The following OPCML variants were observed in gnomAD, a reference collection of about 807,000 sequenced individuals.
OPCML encodes the protein opioid-binding protein/cell adhesion molecule.
OPCML carries 13 observed loss-of-function variants against 37.8 expected under a neutral mutation model. That is an observed-to-expected ratio of 0.34 (90% CI 0.22 to 0.55). The LOEUF is 0.55. OPCML is among the 20% of genes least tolerant of loss of function. The pLI is 0.91. For synonymous variants in OPCML, 176 were observed against 168.8 expected (o/e 1.04, Z -0.33); for missense variants, 341 against 435.6 (o/e 0.78, Z 1.93).
intron 2 of OPCML, among the ~76,000 whole-genome samples, chr11:132,726,470 A>G (rs1211710942): frequency 6.6e-6 from 1 of 151,844 alleles, no homozygotes; most frequent in Non-Finnish European, 1.5e-5. Context: ...GAAATTCAAG[A>G]TGAGATTTAG....
intron 2 of OPCML, among the ~76,000 whole-genome samples, chr11:132,872,048 T>C (rs1306363155): frequency 2.0e-5 from 3 of 152,220 alleles, no homozygotes; most frequent in Non-Finnish European, 1.5e-5. Context: ...CACTGTTTCC[T>C]TTCTAACATA....
intron 1 of OPCML, among the ~76,000 whole-genome samples, chr11:133,077,281 T>A (rs537045770): frequency 1.3e-5 from 2 of 151,976 alleles, no homozygotes; most frequent in South Asian, 4.2e-4. Context: ...CCCCGTGACT[T>A]GGAGCTCATC....
Position 132,943,246 on chromosome 11 carries a change from C to T in OPCML, c.62-236G>A, listed in dbSNP as rs1945647305. ...AGGAGAAGAGAGGAGTCCGGGCTCTCCGGAGTCTGAGAATTCTTCCTCAGA... is the reference window on the plus strand; with the variant it reads ...AGGAGAAGAGAGGAGTCCGGGCTCTTCGGAGTCTGAGAATTCTTCCTCAGA... On this transcript the variant is annotated intron_variant, in intron 1 of 7. Transcript: ENST00000524381. This position sits in a 1 kb window ranked among gnomAD's most constrained non-coding sequence, Gnocchi z 4.3. 1 of 1,146,824 alleles carries T rather than the reference C, an allele frequency of 8.7e-7. No individual in the cohort carries two copies. Among genetic ancestry groups the T allele is most frequent in the Non-Finnish European group, 1.2e-6 (1 of 819,854 alleles). The allele number at this position is 1,146,824 out of a possible 1,614,324, so 71.0% of individuals were successfully genotyped here.
intron 1 of OPCML, among the ~76,000 whole-genome samples, chr11:133,511,683 TC>T (rs1212945907): frequency 2.6e-5 from 4 of 152,050 alleles, no homozygotes; most frequent in African/African-American, 9.7e-5. Flanking sequence ...ATAATCCCAT[TC>T]TCCATAGCCT....
chr11:133,050,256 C>A (rs1298408506), intron 1 of OPCML, among the ~76,000 whole-genome samples: 1 of 152,218 alleles, frequency 6.6e-6, no homozygotes, highest in Non-Finnish European at 1.5e-5. Context: ...TAGCCATCAT[C>A]TGCAATGGGG....
At chr11:133,422,164 T>C (rs1945902425) in intron 1 of OPCML, 5 of 984,404 alleles carry the variant, frequency 5.1e-6, no homozygotes, top group African/African-American at 1.8e-5. Context: ...TGTTTGTTGT[T>C]GTTGTTGTTG....
At chr11:133,097,424 C>A (rs1949019392) in intron 1 of OPCML, among the ~76,000 whole-genome samples, 1 of 152,106 alleles carries the variant, frequency 6.6e-6, no homozygotes, top group Non-Finnish European at 1.5e-5. Flanking sequence ...GAAGAATGAT[C>A]TAAAACCAAC....
chr11:132,893,173 G>A (rs1020722825), intron 2 of OPCML, among the ~76,000 whole-genome samples: 5 of 151,802 alleles, frequency 3.3e-5, no homozygotes, highest in Admixed American at 6.6e-5. Flanking sequence ...ACTTGGACAG[G>A]AGCTATAAAA....
chr11:133,197,454 G>A (rs138698057), intron 1 of OPCML, among the ~76,000 whole-genome samples: 2 of 152,292 alleles, frequency 1.3e-5, no homozygotes, highest in Non-Finnish European at 2.9e-5. Context: ...TAATAAACGT[G>A]ACAATAGGAG....
At chr11:132,829,392 A>G (rs1461120492) in intron 2 of OPCML, among the ~76,000 whole-genome samples, 3 of 152,248 alleles carry the variant, frequency 2.0e-5, no homozygotes, top group Admixed American at 2.0e-4. Flanking sequence ...GAGGAAACTG[A>G]GCATGAATGA....
At chr11:133,135,341 C>A (rs1202028032) in intron 1 of OPCML, among the ~76,000 whole-genome samples, 1 of 152,068 alleles carries the variant, frequency 6.6e-6, no homozygotes, top group Non-Finnish European at 1.5e-5. Flanking sequence ...AGAATCACAC[C>A]CTTTGACTCC....
intron 3 of OPCML, among the ~76,000 whole-genome samples, chr11:132,638,997 C>T (rs2135716477): frequency 1.3e-5 from 2 of 152,284 alleles, no homozygotes; most frequent in Middle Eastern, 6.8e-3. Flanking sequence ...ACTACAGATA[C>T]TGGAGCAGTT....
intron 1 of OPCML, among the ~76,000 whole-genome samples, chr11:133,223,573 CT>C (rs531171710): frequency 1.2e-3 from 177 of 152,178 alleles, no homozygotes; most frequent in Non-Finnish European, 2.0e-3. Context: ...CAGGGGAGCA[CT>C]TAGAGAAAGG....
intron 1 of OPCML, among the ~76,000 whole-genome samples, chr11:133,313,626 A>T (rs1034300950): frequency 6.6e-6 from 1 of 152,084 alleles, no homozygotes; most frequent in Non-Finnish European, 1.5e-5. Flanking sequence ...GGCCCAAGAG[A>T]TACTATAATA....
At chr11:133,480,750 T>A (rs193234569) in intron 1 of OPCML, among the ~76,000 whole-genome samples, 248 of 152,356 alleles carry the variant, frequency 1.6e-3, no homozygotes, top group Middle Eastern at 3.4e-3. Flanking sequence ...GCCATCCATA[T>A]CTGACTTTCC....
At chr11:132,521,765 TAAATTA>T (rs1212198096) in intron 4 of OPCML, among the ~76,000 whole-genome samples, 1 of 152,096 alleles carries the variant, frequency 6.6e-6, no homozygotes, top group Admixed American at 6.5e-5. Context: ...GAACTTAAAG[TAAATTA>T]AAATTAAAAT....
intron 7 of OPCML, among the ~76,000 whole-genome samples, chr11:132,422,317 G>T: frequency 6.6e-6 from 1 of 152,178 alleles, no homozygotes; most frequent in Non-Finnish European, 1.5e-5. Flanking sequence ...GCAAAGAGGA[G>T]TGGGGCAATA....
chr11:132,689,150 A>G (rs1943301873), intron 2 of OPCML, among the ~76,000 whole-genome samples: 1 of 152,172 alleles, frequency 6.6e-6, no homozygotes, highest in Non-Finnish European at 1.5e-5. Context: ...ATTATTTTTA[A>G]TACATTTCTA....
chr11:133,257,373 C>T (rs1239280468), intron 1 of OPCML, among the ~76,000 whole-genome samples: 2 of 152,210 alleles, frequency 1.3e-5, no homozygotes, highest in South Asian at 2.1e-4. Context: ...GGATGATTCT[C>T]ATTTTACTGT....
Sources: gnomAD v4.1 joint callset for allele counts (sites outside exome capture counted in the v4.1 genomes callset) on GRCh38, gnomAD v4.1.1 for gene constraint, Gnocchi (gnomAD v3.1) non-coding constraint, MANE v1.5 for transcripts, NCBI Gene and HGNC (gene_info 2026-07-23, HGNC 2026-07-21) for gene names.